Variants in BIN2 observed in about 807,000 individuals in gnomAD.
BIN2 encodes bridging integrator 2, also known as breast cancer associated protein BRAP1.
BIN2 carries 43 observed loss-of-function variants against 67.9 expected under a neutral mutation model. The observed-to-expected ratio is 0.63, with a 90% CI of 0.50 to 0.82. The LOEUF is 0.82. BIN2 is among the 40% of genes least tolerant of loss of function. The pLI, the probability that BIN2 is intolerant of heterozygous loss-of-function variation, is 0.00. For missense variants in BIN2, 581 were observed against 671.6 expected (o/e 0.87, Z 1.49); for synonymous variants, 244 against 246.8 (o/e 0.99, Z 0.11).
chr12:51,324,464 C>T (rs988882482), upstream of BIN2: 115 of 1,513,710 alleles, frequency 7.6e-5, no homozygotes, highest in Admixed American at 1.3e-4. Flanking sequence ...AAGCAACTGC[C>T]ACCGCAGGGT....
chr12:51,315,832 A>G (rs1456871529), intron 1 of BIN2, among the ~76,000 whole-genome samples: 1 of 152,246 alleles, frequency 6.6e-6, no homozygotes, highest in Non-Finnish European at 1.5e-5. Context: ...TGCAAAAGAC[A>G]TGTGGATGAA....
In BIN2 at chr12:51,295,893, A is replaced by G; in HGVS notation, c.679-15T>C. ...TTGTGGTTCAGCTAGAGCCAATAAG[A>G]AAGAAGGGGATGCTAGCCAACTGGG... On this transcript the variant is annotated splice_polypyrimidine_tract_variant and intron_variant, in intron 8 of 12. Coordinates refer to ENST00000615107, the MANE Select transcript of BIN2 (RefSeq NM_016293.4). 6.2e-7 allele frequency: 1 copy of G among 1,609,472 alleles called. No individual in the cohort carries two copies.
At chr12:51,316,463 T>C (rs1487586092) in intron 1 of BIN2, among the ~76,000 whole-genome samples, 1 of 151,944 alleles carries the variant, frequency 6.6e-6, no homozygotes, top group Non-Finnish European at 1.5e-5. Flanking sequence ...GTCACTGCAC[T>C]CCAGCCTGGG....
intron 9 of BIN2, among the ~76,000 whole-genome samples, chr12:51,292,868 T>G (rs984981217): frequency 6.6e-6 from 1 of 152,158 alleles, no homozygotes; most frequent in South Asian, 2.1e-4. Context: ...TTTGTGCTTT[T>G]TGCTGGTGAT....
intron 2 of BIN2, among the ~76,000 whole-genome samples, chr12:51,308,915 T>C (rs556723848): frequency 3.1e-4 from 47 of 152,064 alleles, no homozygotes; most frequent in African/African-American, 1.1e-3. Context: ...GGTCAGGAGT[T>C]TGAGACCAGC....
At chr12:51,310,028 TAA>T (rs1201858714) in intron 2 of BIN2, among the ~76,000 whole-genome samples, 2 of 152,206 alleles carry the variant, frequency 1.3e-5, no homozygotes, top group African/African-American at 4.8e-5. Context: ...AAGCTGAGTT[TAA>T]GTCTAAATCC....
chr12:51,291,089 C>T (rs1383091616), intron 10 of BIN2, among the ~76,000 whole-genome samples: 1 of 152,102 alleles, frequency 6.6e-6, no homozygotes, highest in East Asian at 1.9e-4. Context: ...GCAGAAGTTG[C>T]AGAGAGCCAA....
chr12:51,313,959 T>G (rs1016917731), intron 1 of BIN2, 56 bp from the exon 2 acceptor site: 1 of 1,437,424 alleles, frequency 7.0e-7, no homozygotes, highest in Admixed American at 1.7e-5. Context: ...CTCTTACATG[T>G]TGGCCTCATA....
At chr12:51,297,951 A>T (rs1349673087) in intron 7 of BIN2, among the ~76,000 whole-genome samples, 2 of 152,180 alleles carry the variant, frequency 1.3e-5, no homozygotes, top group African/African-American at 4.8e-5. Context: ...AACTGTATTA[A>T]ATTTCATTTC....
intron 12 of BIN2, among the ~76,000 whole-genome samples, chr12:51,283,654 G>T (rs1945169440): frequency 1.3e-5 from 2 of 151,968 alleles, no homozygotes; most frequent in African/African-American, 4.8e-5. Flanking sequence ...GTTTTAAAAA[G>T]AAACAGAAAA....
At chr12:51,318,355 C>T (rs1250998877) in intron 1 of BIN2, among the ~76,000 whole-genome samples, 6 of 151,986 alleles carry the variant, frequency 3.9e-5, no homozygotes, top group East Asian at 1.9e-4. Context: ...TCTGCCTCAC[C>T]GGCTCAAGCC....
At position 51,285,626 on chromosome 12, in the gene BIN2, C is replaced by CT. The variant is rs10562037; in HGVS notation, c.1597-840dup. Among the ~76,000 whole-genome samples, 466 of 131,538 alleles carry CT rather than the reference C, an allele frequency of 3.5e-3. 2 individuals carry two copies. Among genetic ancestry groups the CT allele is most frequent in the South Asian group, 6.8e-3 (28 of 4,100 alleles). The allele number at this position is 131,538 out of a possible 152,430, so 86.3% of individuals were successfully genotyped here. ...TTTCTTTTTAATTTTTTCTTTCTTT[C>CT]TTTTTTTTTTTTTTTGAGAAGGAAT... On this transcript the variant is annotated intron_variant, in intron 11 of 12. Coordinates refer to ENST00000615107, the MANE Select transcript of BIN2 (RefSeq NM_016293.4).
At chr12:51,281,668 C>T (rs1319421930) in intron 12 of BIN2, 140 bp from the exon 13 acceptor site, 6 of 795,598 alleles carry the variant, frequency 7.5e-6, no homozygotes, top group Admixed American at 2.1e-5. Flanking sequence ...CAATGTGAAA[C>T]TGGTTGTTGG....
At position 51,292,333 on chromosome 12, in the gene BIN2, C is replaced by A; in HGVS notation, c.773G>T (p.Arg258Leu). The A allele has an allele frequency of 1.3e-6, 2 of 1,568,764 alleles. No individual in the cohort carries two copies. Among genetic ancestry groups the A allele is most frequent in the Non-Finnish European group, 1.7e-6 (2 of 1,162,540 alleles). Residue 258 changes from arginine to leucine, a missense_variant, in exon 10 of 13, where the codon CGC becomes CTC. Physicochemically the swap from Arg to Leu is moderately radical, Grantham distance 102. Coordinates refer to ENST00000615107, the MANE Select transcript of BIN2 (RefSeq NM_016293.4). ...AACTGGGGGAGAAATGACTAAAGAG[C>A]GCCTGCTGCTGCTAAAAAAGGAAGG... The part of the protein sequence containing the change: ...VVKGLSSSSR[R>L]SLVISPPVRT...
chr12:51,316,018 T>C (rs985405608), intron 1 of BIN2, among the ~76,000 whole-genome samples: 3 of 152,144 alleles, frequency 2.0e-5, no homozygotes, highest in Admixed American at 2.0e-4. Flanking sequence ...ATCCTCTTCA[T>C]TGAATCCCTC....
chr12:51,291,799 C>A lies in BIN2; in HGVS notation c.1307G>T (p.Ser436Ile). ...PRPSSGNIPS[S>I]PTASGGGSPT... is the part of the protein sequence containing the mutation. ...TGAACCCCCTCCAGAGGCTGTAGGGCTGGAAGGTATGTTCCCTGAGGAGGG... is the reference window on the plus strand; with the variant it reads ...TGAACCCCCTCCAGAGGCTGTAGGGATGGAAGGTATGTTCCCTGAGGAGGG... The change falls in exon 10 of 13, where the codon AGC (serine) becomes ATC (isoleucine). Residue 436 changes from serine (S) to isoleucine (I), a missense_variant. Physicochemically the swap from Ser to Ile is moderately radical, Grantham distance 142. Transcript: ENST00000615107. The A allele has an allele frequency of 6.2e-7, 1 of 1,613,870 alleles. No individual in the cohort carries two copies. The highest frequency in any genetic ancestry group is 2.2e-5 in the East Asian group (1 of 44,862).
chr12:51,298,482 G>T (rs531596227), intron 7 of BIN2, among the ~76,000 whole-genome samples: 3 of 151,904 alleles, frequency 2.0e-5, no homozygotes, highest in Non-Finnish European at 4.4e-5. Flanking sequence ...GAACCCGGGA[G>T]GCATAGGTTA....
intron 10 of BIN2, among the ~76,000 whole-genome samples, chr12:51,290,413 G>C (rs931245252): frequency 1.3e-5 from 2 of 151,800 alleles, no homozygotes; most frequent in African/African-American, 4.8e-5. Context: ...ACAGGTGTGA[G>C]ACACGACGCC....
At chr12:51,295,699 C>T (rs1945548367) in intron 9 of BIN2, 97 bp downstream of exon 9, 1 of 924,200 alleles carries the variant, frequency 1.1e-6, no homozygotes, top group South Asian at 1.6e-5. Flanking sequence ...CGCACATGCA[C>T]ATAAGGGACA....
Sources: gnomAD v4.1 joint callset for allele counts (sites outside exome capture counted in the v4.1 genomes callset) on GRCh38, gnomAD v4.1.1 for gene constraint, MANE v1.5 for transcripts, NCBI Gene and HGNC (gene_info 2026-07-23, HGNC 2026-07-21) for gene names.